NRXN1: variants seen among roughly 807,000 people sequenced by gnomAD.
The protein encoded by NRXN1 is neurexin-1.
A neutral mutation model predicts 150.9 loss-of-function variants in NRXN1; 39 were observed. The observed-to-expected ratio is 0.26, with a 90% CI of 0.20 to 0.34. NRXN1 has a LOEUF of 0.34. Ranked by LOEUF, NRXN1 falls within the 10% of genes least tolerant of loss-of-function variation. NRXN1 has a pLI of 1.00. For synonymous variants in NRXN1, 924 were observed against 757.0 expected, an observed-to-expected ratio of 1.22 and a Z score of -3.62; for missense variants, 1,815 against 1,949.9, an observed-to-expected ratio of 0.93 and a Z score of 1.30.
intron 19 of NRXN1, among the ~76,000 whole-genome samples, chr2:50,059,610 T>C (rs1694187819): frequency 6.6e-6 from 1 of 152,204 alleles, no homozygotes; most frequent in African/African-American, 2.4e-5. Flanking sequence ...GTCAGACATC[T>C]TCACAACAGC....
At chr2:50,460,446 A>T (rs572642846) in intron 17 of NRXN1, among the ~76,000 whole-genome samples, 1 of 151,956 alleles carries the variant, frequency 6.6e-6, no homozygotes, top group Non-Finnish European at 1.5e-5. Context: ...ATACAGCATT[A>T]CTCTATTCCC....
chr2:50,124,608 C>T (rs553974178), intron 18 of NRXN1, among the ~76,000 whole-genome samples: 2 of 152,176 alleles, frequency 1.3e-5, no homozygotes, highest in Admixed American at 1.3e-4. Flanking sequence ...CCAAAACTTC[C>T]ATTGTGCCCT....
intron 15 of NRXN1, among the ~76,000 whole-genome samples, chr2:50,478,863 G>C (rs577865455): frequency 6.6e-6 from 1 of 152,192 alleles, no homozygotes; most frequent in Admixed American, 6.5e-5. Context: ...CTGCCAAGGG[G>C]TGAATGACTC....
intron 5 of NRXN1, among the ~76,000 whole-genome samples, chr2:50,652,528 T>C (rs1685793060): frequency 1.3e-5 from 2 of 152,086 alleles, no homozygotes; most frequent in African/African-American, 2.4e-5. Context: ...ATGTAGCATA[T>C]AGCATGTGGA....
At chr2:51,030,834 A>G (rs1671420691) in intron 1 of NRXN1, among the ~76,000 whole-genome samples, 1 of 152,150 alleles carries the variant, frequency 6.6e-6, no homozygotes, top group Non-Finnish European at 1.5e-5. Context: ...ATCATGATCA[A>G]GAGTAGTGCT....
intron 2 of NRXN1, among the ~76,000 whole-genome samples, chr2:50,969,109 T>C (rs1206035195): frequency 6.6e-6 from 1 of 152,126 alleles, no homozygotes; most frequent in Non-Finnish European, 1.5e-5. Flanking sequence ...TCCACACAGC[T>C]ATGCCCTTCC....
chr2:50,001,368 A>G (rs553008151), intron 21 of NRXN1, among the ~76,000 whole-genome samples: 51 of 152,312 alleles, frequency 3.3e-4, no homozygotes, highest in Middle Eastern at 3.4e-3. Flanking sequence ...CTTCCAGTTT[A>G]TCTGAAAATT....
rs567887770 is a variant in NRXN1 at position 49,921,943 on chromosome 2, A to T, written c.*1T>A. 1.2e-6 allele frequency: 2 copies of T among 1,613,940 alleles called. No homozygotes were observed. The highest frequency in any genetic ancestry group is 2.2e-5 in the South Asian group (2 of 91,080). On this transcript the variant is annotated 3_prime_UTR_variant, in exon 23 of 23. Coordinates refer to ENST00000401669, the MANE Select transcript of NRXN1 (RefSeq NM_001330078.2). Reference sequence around the variant, plus strand: ...ACAAGTGTCCATTTAAGATCTTGGGATCAGACATAATACTCTTTATCCTTG... The same window carrying T: ...ACAAGTGTCCATTTAAGATCTTGGGTTCAGACATAATACTCTTTATCCTTG...
At chr2:50,438,146 C>T (rs1447098212) in intron 17 of NRXN1, among the ~76,000 whole-genome samples, 1 of 152,178 alleles carries the variant, frequency 6.6e-6, no homozygotes, top group Non-Finnish European at 1.5e-5. Context: ...AGGTCATGGC[C>T]AGGAGTTAAC....
chr2:50,107,386 T>C (rs1480792910), intron 18 of NRXN1, among the ~76,000 whole-genome samples: 1 of 151,528 alleles, frequency 6.6e-6, no homozygotes, highest in Non-Finnish European at 1.5e-5. Flanking sequence ...TCATTCATTA[T>C]TGCACTACCC....
chr2:50,181,480 T>C lies in NRXN1; in HGVS notation c.3546+55309A>G, dbSNP rs1054871752. On this transcript the variant is annotated intron_variant, in intron 18 of 22. Coordinates refer to ENST00000401669, the MANE Select transcript of NRXN1 (RefSeq NM_001330078.2). The stretch of plus-strand genomic sequence containing the variant: ...ACAAAGTATCTGCTGATCTTCAGTC[T>C]GCTTTGTAGTGGCCTCGTTATGAGG... 1.6e-4 allele frequency among the ~76,000 whole-genome samples: 24 copies of C among 152,248 alleles called. No individual in the cohort carries two copies. The South Asian group carries it at 3.9e-3, about 25-fold the overall frequency.
At chr2:50,465,589 G>C (rs890211107) in intron 16 of NRXN1, 28 bp from the exon 17 acceptor site, 2 of 1,575,060 alleles carry the variant, frequency 1.3e-6, no homozygotes, top group African/African-American at 2.7e-5. Context: ...GGAAACTTGG[G>C]TTCTTTAAAA....
chr2:50,001,293 A>C lies in NRXN1; in HGVS notation c.4128+51978T>G, dbSNP rs570014197. 2.0e-5 allele frequency among the ~76,000 whole-genome samples: 3 copies of C among 152,316 alleles called. No homozygotes were observed. In the South Asian group the frequency reaches 6.2e-4, roughly 32 times the overall value. On this transcript the variant is annotated intron_variant, in intron 21 of 22. Coordinates refer to ENST00000401669, the MANE Select transcript of NRXN1 (RefSeq NM_001330078.2). ...GGATTGCTTAGCAAAATGACTGCTC[A>C]ATAAATAGTATTTATAACTGCTTAC...
At chr2:50,191,263 C>A (rs911702837) in intron 18 of NRXN1, among the ~76,000 whole-genome samples, 1 of 149,326 alleles carries the variant, frequency 6.7e-6, no homozygotes, top group Admixed American at 6.7e-5. Context: ...TGATCTCTAA[C>A]TCCTGACCTC....
intron 5 of NRXN1, among the ~76,000 whole-genome samples, chr2:50,839,706 G>A (rs1574661653): frequency 6.6e-6 from 1 of 152,148 alleles, no homozygotes; most frequent in South Asian, 2.1e-4. Context: ...GCTGAGTATA[G>A]GATAATAAAG....
intron 15 of NRXN1, among the ~76,000 whole-genome samples, chr2:50,473,402 T>C (rs2089702218): frequency 1.3e-5 from 2 of 152,136 alleles, no homozygotes; most frequent in South Asian, 2.1e-4. Flanking sequence ...TCTGTTTCTT[T>C]TTCTATTTCA....
chr2:50,505,723 C>G (rs1024925479), intron 13 of NRXN1, among the ~76,000 whole-genome samples: 1 of 152,142 alleles, frequency 6.6e-6, no homozygotes, highest in African/African-American at 2.4e-5. Context: ...GTTCTCTGGG[C>G]ATGGGGACCT....
At chr2:50,084,940 G>A (rs1698574535) in intron 19 of NRXN1, among the ~76,000 whole-genome samples, 1 of 152,118 alleles carries the variant, frequency 6.6e-6, no homozygotes, top group South Asian at 2.1e-4. Flanking sequence ...TAATAAAAAA[G>A]TTCATTATGT....
chr2:50,969,435 AT>A (rs1237890278), intron 2 of NRXN1, among the ~76,000 whole-genome samples: 1 of 152,160 alleles, frequency 6.6e-6, no homozygotes, highest in African/African-American at 2.4e-5. Context: ...TTAAATGATT[AT>A]AAACTCTCTT....
Sources: allele counts gnomAD v4.1 joint callset (sites outside exome capture counted in the v4.1 genomes callset), GRCh38; gene constraint gnomAD v4.1.1; transcripts MANE v1.5; gene names NCBI Gene and HGNC (gene_info 2026-07-23, HGNC 2026-07-21).